CALN1: variants seen among roughly 807,000 people sequenced by gnomAD.
CALN1 encodes the protein calcium-binding protein 8.
A neutral mutation model predicts 30.6 loss-of-function variants in CALN1; 17 were observed. The ratio of observed to expected loss-of-function variants is 0.56; its 90% CI spans 0.38 to 0.83. CALN1 has a LOEUF of 0.83. Among genes scored for constraint, CALN1 ranks in the 40% least tolerant of loss-of-function variants. The probability of loss-of-function intolerance (pLI) is 0.00; values close to 1 mark genes in which losing one functional copy is unlikely to be tolerated. For synonymous variants in CALN1, 156 were observed against 131.4 expected (o/e 1.19, Z -1.28); for missense variants, 291 against 354.9 (o/e 0.82, Z 1.45).
chr7:72,270,436 G>T (rs1399679779), intron 3 of CALN1, among the ~76,000 whole-genome samples: 1 of 152,128 alleles, frequency 6.6e-6, no homozygotes, highest in Non-Finnish European at 1.5e-5. Context: ...TTTTTAAAAT[G>T]TATTTTTATT....
At position 72,311,312 on chromosome 7, in the gene CALN1, A is replaced by C. The variant is rs376387628; in HGVS notation, c.120-32502T>G. Among the ~76,000 whole-genome samples, 27 of 152,264 alleles carry C rather than the reference A, an allele frequency of 1.8e-4. 1 individual carries two copies. The South Asian group carries it at 5.6e-3, about 32-fold the overall frequency. On this transcript the variant is annotated intron_variant, in intron 2 of 6. Transcript: ENST00000395275. The stretch of plus-strand genomic sequence containing the variant: ...ATATATAATATATCAAATACACAAA[A>C]TATGTGTTAATTACCTGTTTACATT...
chr7:72,023,368 G>C (rs1391579192), intron 5 of CALN1, among the ~76,000 whole-genome samples: 2 of 152,136 alleles, frequency 1.3e-5, no homozygotes, highest in Non-Finnish European at 2.9e-5. Context: ...GATAATATCA[G>C]TGTGCCCCTT....
chr7:72,170,012 T>G (rs1468356603), intron 3 of CALN1, among the ~76,000 whole-genome samples: 1 of 150,034 alleles, frequency 6.7e-6, no homozygotes, highest in African/African-American at 2.5e-5. Flanking sequence ...TGTTATTTTC[T>G]TAGGGACAGG....
chr7:72,219,421 G>T (rs1253472064), intron 3 of CALN1, among the ~76,000 whole-genome samples: 1 of 151,926 alleles, frequency 6.6e-6, no homozygotes, highest in African/African-American at 2.4e-5. Flanking sequence ...GTAGAGATGG[G>T]GTCTTGCTGT....
intron 3 of CALN1, among the ~76,000 whole-genome samples, chr7:72,223,263 A>G (rs1793435083): frequency 6.6e-6 from 1 of 152,152 alleles, no homozygotes; most frequent in Non-Finnish European, 1.5e-5. Context: ...AGCTGGGCAC[A>G]TGGGAGAAAT....
intron 5 of CALN1, among the ~76,000 whole-genome samples, chr7:71,939,227 A>G (rs1051342980): frequency 6.6e-6 from 1 of 152,060 alleles, no homozygotes; most frequent in Non-Finnish European, 1.5e-5. Context: ...AACATGTGCC[A>G]AAGTACAGCA....
At chr7:72,308,015 C>T (rs939129427) in intron 2 of CALN1, among the ~76,000 whole-genome samples, 4 of 152,128 alleles carry the variant, frequency 2.6e-5, no homozygotes, top group Admixed American at 1.3e-4. Context: ...AAATCTGCTA[C>T]AAGAAATCAG....
intron 3 of CALN1, among the ~76,000 whole-genome samples, chr7:72,166,689 A>C (rs1252878868): frequency 6.6e-6 from 1 of 152,256 alleles, no homozygotes; most frequent in African/African-American, 2.4e-5. Flanking sequence ...TATACCAAGC[A>C]TTCTTCAAAG....
chr7:72,010,258 C>T (rs1799996144), intron 5 of CALN1, among the ~76,000 whole-genome samples: 2 of 152,086 alleles, frequency 1.3e-5, no homozygotes, highest in South Asian at 2.1e-4. Context: ...CCCCTTATCC[C>T]AAGGGATGAA....
At chr7:72,331,644 ATTTATTTACT>A (rs1247043799) in intron 2 of CALN1, among the ~76,000 whole-genome samples, 1 of 152,056 alleles carries the variant, frequency 6.6e-6, no homozygotes, top group African/African-American at 2.4e-5. Flanking sequence ...CAGAATATCT[ATTTATTTACT>A]TATTCATTTT....
At chr7:72,025,627 C>T (rs1400009876) in intron 4 of CALN1, among the ~76,000 whole-genome samples, 2 of 152,192 alleles carry the variant, frequency 1.3e-5, no homozygotes, top group East Asian at 3.9e-4. Context: ...TTGTTGGGTC[C>T]TCCAGGAGTC....
chr7:71,958,943 C>T (rs1420367459), intron 5 of CALN1, among the ~76,000 whole-genome samples: 1 of 152,204 alleles, frequency 6.6e-6, no homozygotes, highest in Non-Finnish European at 1.5e-5. Flanking sequence ...CAACATGCTG[C>T]CTGACTTCTC....
At chr7:72,388,146 G>A (rs748144498) in intron 2 of CALN1, among the ~76,000 whole-genome samples, 35 of 152,132 alleles carry the variant, frequency 2.3e-4, no homozygotes, top group Admixed American at 3.9e-4. Context: ...AATGATAAAT[G>A]TTTGAAGTGA....
At chr7:72,310,924 A>C (rs5025436) in intron 2 of CALN1, among the ~76,000 whole-genome samples, 75,177 of 143,382 alleles carry the variant, frequency 0.52, 20,412 homozygotes, top group African/African-American at 0.67. Context: ...AAAAAAAAAA[A>C]AAAACAAAAA....
the CALN1 span, among the ~76,000 whole-genome samples, chr7:72,467,136 G>A: frequency 2.8e-4 from 42 of 152,106 alleles, no homozygotes; most frequent in Admixed American, 1.8e-3. Flanking sequence ...ACTGGGTCAC[G>A]CACACCTCAG....
chr7:72,231,584 A>G (rs1794103914), intron 3 of CALN1, among the ~76,000 whole-genome samples: 1 of 152,198 alleles, frequency 6.6e-6, no homozygotes, highest in Admixed American at 6.5e-5. Context: ...TAGTGCTGCA[A>G]TGAACATACA....
chr7:72,072,642 T>C (rs1388230727), intron 4 of CALN1, among the ~76,000 whole-genome samples: 3 of 152,238 alleles, frequency 2.0e-5, no homozygotes, highest in Non-Finnish European at 4.4e-5. Context: ...AACATTGGTT[T>C]GTAACTCTAC....
intron 3 of CALN1, among the ~76,000 whole-genome samples, chr7:72,133,441 G>T (rs1385359631): frequency 1.3e-5 from 2 of 152,160 alleles, no homozygotes; most frequent in African/African-American, 2.4e-5. Context: ...CTTACTTACA[G>T]AATAATGCCA....
intron 4 of CALN1, among the ~76,000 whole-genome samples, chr7:72,045,825 C>A (rs1352246388): frequency 5.9e-5 from 9 of 151,714 alleles, no homozygotes; most frequent in Non-Finnish European, 1.3e-4. Flanking sequence ...CATGGTGAAA[C>A]CCTGTCTCTA....
Sources: allele counts gnomAD v4.1 joint callset (sites outside exome capture counted in the v4.1 genomes callset), GRCh38; gene constraint gnomAD v4.1.1; transcripts MANE v1.5; gene names NCBI Gene and HGNC (gene_info 2026-07-23, HGNC 2026-07-21).